Variants in LRP4 observed in about 807,000 individuals in gnomAD.
LRP4 encodes the protein low-density lipoprotein receptor-related protein 4.
Under a neutral mutation model 220.3 loss-of-function variants are expected in LRP4, and 95 were observed. That is an observed-to-expected ratio of 0.43 (90% CI 0.37 to 0.51). The LOEUF is 0.51. Ranked by LOEUF, LRP4 falls within the 20% of genes least tolerant of loss-of-function variation. The pLI is 0.00. For synonymous variants in LRP4, 903 were observed against 954.6 expected, an observed-to-expected ratio of 0.95 and a Z score of 1.00; for missense variants, 1,925 against 2,567.0, an observed-to-expected ratio of 0.75 and a Z score of 5.40.
chr11:46,875,261 AG>A lies in LRP4; in HGVS notation c.3926-159del, dbSNP rs1940979344. Among the ~76,000 whole-genome samples, 1 of 152,130 alleles carries A rather than the reference AG, an allele frequency of 6.6e-6. No homozygotes were observed. Among genetic ancestry groups the A allele is most frequent in the Non-Finnish European group, 1.5e-5 (1 of 68,000 alleles). ...AAGGAGGGTCTGCAGGAGGATCTCC[AG>A]GAGTCCTTTGAAGGTGACAGCTGTA... On this transcript the variant is annotated intron_variant, in intron 27 of 37. Coordinates refer to ENST00000378623, the MANE Select transcript of LRP4 (RefSeq NM_002334.4). This position sits in a 1 kb window ranked among gnomAD's most constrained non-coding sequence, Gnocchi z 4.5.
At chr11:46,862,242 G>A (rs1266442254) in intron 37 of LRP4, among the ~76,000 whole-genome samples, 2 of 152,142 alleles carry the variant, frequency 1.3e-5, no homozygotes, top group Non-Finnish European at 2.9e-5. Context: ...TTTTTTGGGT[G>A]TTGTCTGGGA....
chr11:46,912,155 A>G (rs899262887), intron 1 of LRP4, among the ~76,000 whole-genome samples: 2 of 152,196 alleles, frequency 1.3e-5, no homozygotes, highest in Admixed American at 6.5e-5. Flanking sequence ...CACCTGGCCA[A>G]TGTAAGACGG....
chr11:46,861,691 C>T (rs1456259410), intron 37 of LRP4, among the ~76,000 whole-genome samples: 1 of 151,730 alleles, frequency 6.6e-6, no homozygotes, highest in Non-Finnish European at 1.5e-5. Context: ...ACAACCAGCT[C>T]ATTGAAATGG....
chr11:46,898,027 ACGGGGCGGCTGGCCGGG>A (rs1941579462), intron 7 of LRP4, among the ~76,000 whole-genome samples: 1 of 138,670 alleles, frequency 7.2e-6, no homozygotes, highest in Non-Finnish European at 1.5e-5. Flanking sequence ...TCCCTCCCGG[ACGGGGCGGCTGGCCGGG>A]CGGGGGGCTG....
intron 19 of LRP4, 81 bp from the exon 20 acceptor site, chr11:46,881,984 T>A (rs758215763): frequency 7.7e-5 from 107 of 1,396,994 alleles, no homozygotes; most frequent in Non-Finnish European, 1.0e-4. Context: ...ATTTCAGGGT[T>A]TCTGCCTGAA....
In LRP4 at chr11:46,918,176, T is replaced by C; in HGVS notation, c.52+152A>G. On this transcript the variant is annotated intron_variant, in intron 1 of 37. Transcript: ENST00000378623. The surrounding 1 kb of genome is among the most constrained non-coding windows in gnomAD (Gnocchi z 6.0). The stretch of plus-strand genomic sequence containing the variant: ...CTCGGACTGCTGGAGCCGGGGCCGC[T>C]CCGGGTCCTCTCCCCTGCACGCAGC... 1.3e-6 allele frequency: 1 copy of C among 767,140 alleles called. No individual in the cohort carries two copies. Among genetic ancestry groups the C allele is most frequent in the Non-Finnish European group, 1.9e-6 (1 of 514,678 alleles). 47.5% of individuals were successfully genotyped at this position (767,140 alleles called of 1,614,324 possible).
intron 37 of LRP4, among the ~76,000 whole-genome samples, chr11:46,861,446 A>T (rs1389385137): frequency 1.3e-5 from 2 of 151,844 alleles, no homozygotes; most frequent in African/African-American, 2.4e-5. Context: ...ACAGGATTTT[A>T]GGAAAAAAAC....
At chr11:46,910,961 C>G (rs750277893) in intron 1 of LRP4, among the ~76,000 whole-genome samples, 1 of 152,146 alleles carries the variant, frequency 6.6e-6, no homozygotes, top group Non-Finnish European at 1.5e-5. Context: ...CAGGCACGAG[C>G]CACCACACCC....
At chr11:46,887,373 G>A (rs916247551) in intron 16 of LRP4, among the ~76,000 whole-genome samples, 1 of 152,154 alleles carries the variant, frequency 6.6e-6, no homozygotes, top group Non-Finnish European at 1.5e-5. Flanking sequence ...ATCTCACTAA[G>A]ACAACAGGGG....
At position 46,895,909 on chromosome 11, in the gene LRP4, G is replaced by A. The variant is rs769617825; in HGVS notation, c.1158C>T (p.Leu386=). The A allele has an allele frequency of 3.1e-6, 5 of 1,613,444 alleles. No homozygotes were observed. The South Asian group carries it at 4.4e-5, about 14-fold the overall frequency. The part of the protein sequence containing the change: ...VQCTCHTGYR[L]TEDGHTCQDV... ...CTTGGCACGTGTGCCCATCCTCTGT[G>A]AGCCGGTAGCCTGTGTGGCAGGTAC... is the stretch of plus-strand genomic sequence containing the variant. The change falls in exon 10 of 38, where the codon CTC becomes CTT. Residue 386 remains leucine, a synonymous_variant. Transcript: ENST00000378623.
intron 36 of LRP4, among the ~76,000 whole-genome samples, chr11:46,863,094 G>A (rs889487112): frequency 6.6e-6 from 1 of 152,112 alleles, no homozygotes; most frequent in Non-Finnish European, 1.5e-5. Context: ...AGAAACTAAT[G>A]AGGAAGGCCT....
At chr11:46,892,840 G>T (rs548582739) in intron 13 of LRP4, 133 bp downstream of exon 13, 1 of 1,095,806 alleles carries the variant, frequency 9.1e-7, no homozygotes, top group African/African-American at 1.6e-5. Flanking sequence ...AAAGTGCTGG[G>T]ATTACAGGCG....
intron 25 of LRP4, 52 bp downstream of exon 25, chr11:46,876,414 C>A: frequency 6.2e-7 from 1 of 1,609,044 alleles, no homozygotes; most frequent in African/African-American, 1.3e-5. Flanking sequence ...CCGTCATAAC[C>A]CCAGCTGAGC....
rs150401820 is a variant in LRP4, at chr11:46,900,305, G to A, written c.273C>T (p.Asp91=). The change falls in exon 3 of 38, where the codon GAC becomes GAT. Residue 91 remains aspartate (D), a synonymous_variant. Transcript: ENST00000378623. Reference sequence around the variant, plus strand: ...AGTCATCCTCACAGTCGTTGTCCCCGTCACACACCCAGGAGCGGCGGATGC... The same window carrying A: ...AGTCATCCTCACAGTCGTTGTCCCCATCACACACCCAGGAGCGGCGGATGC... ...GKCIRRSWVC[D]GDNDCEDDSD... is the part of the protein sequence containing the mutation. 5.9e-5 allele frequency: 95 copies of A among 1,614,098 alleles called. No individual in the cohort carries two copies. The African/African-American group carries it at 7.6e-4, about 13-fold the overall frequency.
Position 46,878,894 on chromosome 11 carries a change from T to C in LRP4, c.3136+13A>G, listed in dbSNP as rs772813437. 6.2e-7 allele frequency: 1 copy of C among 1,614,068 alleles called. No homozygotes were observed. The highest frequency in any genetic ancestry group is 8.5e-7 in the Non-Finnish European group (1 of 1,180,040). On this transcript the variant is annotated intron_variant, in intron 22 of 37. Transcript: ENST00000378623. ...AGAGAGGCTGCATCTAGATCTGTGATGCTTTCACTCACCTGGTGAGCAGGT... is the reference window on the plus strand; with the variant it reads ...AGAGAGGCTGCATCTAGATCTGTGACGCTTTCACTCACCTGGTGAGCAGGT...
intron 20 of LRP4, among the ~76,000 whole-genome samples, 186 bp from the exon 21 acceptor site, chr11:46,879,501 C>A (rs1592527286): frequency 6.6e-6 from 1 of 152,326 alleles, no homozygotes; most frequent in East Asian, 1.9e-4. Flanking sequence ...TCATGCCTGG[C>A]TCTAAGGGTC....
intron 37 of LRP4, among the ~76,000 whole-genome samples, chr11:46,861,286 T>C (rs1377425995): frequency 2.0e-5 from 3 of 152,114 alleles, no homozygotes; most frequent in Admixed American, 6.6e-5. Context: ...CGGGAATTCA[T>C]GGATCCAGAA....
At chr11:46,885,967 C>T (rs961328336) in intron 18 of LRP4, 124 bp downstream of exon 18, 4 of 849,976 alleles carry the variant, frequency 4.7e-6, no homozygotes, top group Non-Finnish European at 8.0e-6. Context: ...TCTGACCTAC[C>T]AAGGACTTGA....
rs150531536 is a variant in LRP4, at chr11:46,899,511, G to C, written c.431-8C>G. Reference sequence around the variant, plus strand: ...CGGAGCACTTGCGCATGTCTGGGGGGATGCGATGGGACAGCAGTTCTGAGG... The same window carrying C: ...CGGAGCACTTGCGCATGTCTGGGGGCATGCGATGGGACAGCAGTTCTGAGG... On this transcript the variant is annotated splice_polypyrimidine_tract_variant and splice_region_variant and intron_variant, in intron 4 of 37. Coordinates refer to ENST00000378623, the MANE Select transcript of LRP4 (RefSeq NM_002334.4). This position sits in a 1 kb window ranked among gnomAD's most constrained non-coding sequence, Gnocchi z 5.9. 4 of 1,585,396 alleles carry C rather than the reference G, an allele frequency of 2.5e-6. No individual in the cohort carries two copies. The African/African-American group carries it at 5.4e-5, about 21-fold the overall frequency.
Sources: allele counts gnomAD v4.1 joint callset (sites outside exome capture counted in the v4.1 genomes callset), GRCh38; gene constraint gnomAD v4.1.1; non-coding constraint Gnocchi (gnomAD v3.1); transcripts MANE v1.5; gene names NCBI Gene and HGNC (gene_info 2026-07-23, HGNC 2026-07-21).